MEIS3: variants seen among roughly 807,000 people sequenced by gnomAD.
MEIS3 encodes the protein Meis homeobox 3, also known as homeobox protein Meis3.
A neutral mutation model predicts 51.4 loss-of-function variants in MEIS3; 38 were observed. The observed-to-expected ratio is 0.74, with a 90% confidence interval of 0.57 to 0.97. The LOEUF (loss-of-function observed/expected upper bound fraction) is 0.97, where lower values mean the gene tolerates loss of function less well. Among genes scored for constraint, MEIS3 ranks in the 50% least tolerant of loss-of-function variants. The pLI is 0.00. For missense variants in MEIS3, 456 were observed against 502.6 expected (o/e 0.91, Z 0.89); for synonymous variants, 198 against 201.8 (o/e 0.98, Z 0.16).
At chr19:47,414,980 G>C (rs903728121) in intron 5 of MEIS3, 71 bp downstream of exon 5, 1 of 1,174,294 alleles carries the variant, frequency 8.5e-7, no homozygotes, top group African/African-American at 1.6e-5. Flanking sequence ...TGGAAGGTGG[G>C]GGGCAGAGGC....
In MEIS3 at chr19:47,417,308, C is replaced by T. The variant is rs149363452; in HGVS notation, c.55G>A (p.Ala19Thr). 1.2e-4 allele frequency: 189 copies of T among 1,613,630 alleles called. No individual in the cohort carries two copies. The African/African-American group carries it at 2.2e-3, about 18-fold the overall frequency. The part of the protein sequence containing the change: ...PHYPGIVDGP[A>T]ALASFPETVP... ...GTCTCTGGGAAGCTAGCCAGGGCTG[C>T]GGGGCCATCCACGATGCCTGGGTAG... Residue 19 changes from alanine (A) to threonine (T), a missense_variant, in exon 2 of 13, where the codon GCA becomes ACA. By Grantham distance (58) the Ala-to-Thr change is moderately conservative. Transcript: ENST00000558555.
chr19:47,412,044 G>T (rs1384861818), intron 6 of MEIS3, among the ~76,000 whole-genome samples: 1 of 151,818 alleles, frequency 6.6e-6, no homozygotes, highest in Non-Finnish European at 1.5e-5. Context: ...AGTTTGTCCA[G>T]ACTGCTCTCG....
chr19:47,417,495 C>G lies in MEIS3; in HGVS notation c.13-145G>C, dbSNP rs1200694121. 8.6e-6 allele frequency: 9 copies of G among 1,047,530 alleles called. No homozygotes were observed. The East Asian group carries it at 1.8e-4, about 21-fold the overall frequency. 64.9% of individuals were successfully genotyped at this position (1,047,530 alleles called of 1,614,324 possible). A position where few individuals can be genotyped will look rare whatever the true frequency, so the allele number is the denominator to read the frequency against. On this transcript the variant is annotated intron_variant, in intron 1 of 12. Transcript: ENST00000558555. Reference sequence around the variant, plus strand: ...GCCTGTGGTCCCCAGGTGTCTGAGCCCCCAAGCTTGAAGCCCTCCAGGTCC... The same window carrying G: ...GCCTGTGGTCCCCAGGTGTCTGAGCGCCCAAGCTTGAAGCCCTCCAGGTCC...
At chr19:47,407,634 G>T in intron 8 of MEIS3, 1 of 1,311,340 alleles carries the variant, frequency 7.6e-7, no homozygotes, top group Non-Finnish European at 1.0e-6. Context: ...GCCAGCCCCC[G>T]CCTGTTCCAG....
chr19:47,405,687 C>A (rs2122461029), intron 12 of MEIS3, among the ~76,000 whole-genome samples: 1 of 151,620 alleles, frequency 6.6e-6, no homozygotes, highest in Middle Eastern at 3.4e-3. Flanking sequence ...GTAGCTGGGA[C>A]TATGGGTACA....
chr19:47,408,982 G>C, intron 8 of MEIS3, 117 bp downstream of exon 8: 1 of 1,267,286 alleles, frequency 7.9e-7, no homozygotes, highest in Non-Finnish European at 1.1e-6. Flanking sequence ...TGAGAGTCTC[G>C]AAAAATTTCC....
At chr19:47,420,612 G>A (rs1037304144), upstream of MEIS3, among the ~76,000 whole-genome samples, 10 of 145,490 alleles carry the variant, frequency 6.9e-5, no homozygotes, top group African/African-American at 2.2e-4. Context: ...GGGAGGGAGT[G>A]GGGGACAGGA....
chr19:47,410,343 G>T (rs1971067102), intron 6 of MEIS3, among the ~76,000 whole-genome samples: 1 of 151,962 alleles, frequency 6.6e-6, no homozygotes, highest in African/African-American at 2.4e-5. Flanking sequence ...AGCTACTCGG[G>T]AGGCTGAGGC....
chr19:47,417,797 A>C (rs1218552533), intron 1 of MEIS3: 1 of 631,354 alleles, frequency 1.6e-6, no homozygotes, highest in Non-Finnish European at 2.9e-6. Flanking sequence ...AGATAAGCGC[A>C]TCAGAGTAAG....
chr19:47,419,782 T>C (rs1428957305), upstream of MEIS3, among the ~76,000 whole-genome samples: 1 of 151,750 alleles, frequency 6.6e-6, no homozygotes, highest in Admixed American at 6.6e-5. Context: ...CCAGTCTCTC[T>C]CTCCTTGTCT....
At chr19:47,417,601 A>G in intron 1 of MEIS3, 1 of 703,342 alleles carries the variant, frequency 1.4e-6, no homozygotes, top group East Asian at 2.7e-5. Context: ...CCAGAGGGAG[A>G]GACGGCAGGG....
chr19:47,404,011 G>A (rs1970707617), intron 12 of MEIS3, among the ~76,000 whole-genome samples: 1 of 152,042 alleles, frequency 6.6e-6, no homozygotes, highest in South Asian at 2.1e-4. Context: ...AGACCAGCCT[G>A]GGGAACAAAG....
At chr19:47,413,696 G>A (rs1332156532) in intron 6 of MEIS3, among the ~76,000 whole-genome samples, 1 of 151,876 alleles carries the variant, frequency 6.6e-6, no homozygotes, top group Admixed American at 6.6e-5. Context: ...CTGAGATGGT[G>A]CCACCTTACT....
Position 47,414,725 on chromosome 19 carries a change from G to A in MEIS3, c.589C>T (p.Pro197Ser), listed in dbSNP as rs1480421254. The change falls in exon 6 of 13, where the codon CCA becomes TCA. Residue 197 changes from proline (P) to serine (S), a missense_variant. Physicochemically the swap from Pro to Ser is moderately conservative, Grantham distance 74. Coordinates refer to ENST00000558555, the MANE Select transcript of MEIS3 (RefSeq NM_001301059.2). ...EDYPASCPSL[P>S]DQNNMWIRDH... is the part of the protein sequence containing the mutation. ...GCCCGTCCCGGGCCCACCTGGTCTG[G>A]GAGGCTGGGGCAGGAGGCTGGGTAG... 6.2e-7 allele frequency: 1 copy of A among 1,601,506 alleles called. No individual in the cohort carries two copies. The highest frequency in any genetic ancestry group is 8.5e-7 in the Non-Finnish European group (1 of 1,174,842).
At position 47,418,855 on chromosome 19, in the gene MEIS3, G is replaced by A. The variant is rs190082899; in HGVS notation, c.12+215C>T. On this transcript the variant is annotated intron_variant, in intron 1 of 12. Coordinates refer to ENST00000558555, the MANE Select transcript of MEIS3 (RefSeq NM_001301059.2). ...GGGAGAAGGAGAAGCTAAACGATGG[G>A]GAGGAGGCGAGGCCGAGGGCCAGGA... is the stretch of plus-strand genomic sequence containing the variant. 2.8e-5 allele frequency: 11 copies of A among 395,422 alleles called. No individual in the cohort carries two copies. The East Asian group carries it at 3.9e-4, about 14-fold the overall frequency. 24.5% of individuals were successfully genotyped at this position (395,422 alleles called of 1,614,324 possible).
chr19:47,418,723 G>C, intron 1 of MEIS3: 1 of 209,616 alleles, frequency 4.8e-6, no homozygotes, highest in Non-Finnish European at 9.3e-6. Flanking sequence ...GGCAGAGAGA[G>C]GGGGATAGAG....
At chr19:47,413,773 G>A (rs1971254234) in intron 6 of MEIS3, among the ~76,000 whole-genome samples, 1 of 151,122 alleles carries the variant, frequency 6.6e-6, no homozygotes, top group African/African-American at 2.4e-5. Context: ...TGTCGCCCAG[G>A]CTGGAGTGCA....
At position 47,403,531 on chromosome 19, in the gene MEIS3, G is replaced by A. The variant is rs1057075211; in HGVS notation, c.*40C>T. The A allele has an allele frequency of 2.9e-5, 13 of 452,926 alleles. No homozygotes were observed. Among genetic ancestry groups the A allele is most frequent in the Admixed American group, 7.1e-5 (3 of 42,064 alleles). 28.1% of individuals were successfully genotyped at this position (452,926 alleles called of 1,614,324 possible). A position where few individuals can be genotyped will look rare whatever the true frequency, so the allele number is the denominator to read the frequency against. On this transcript the variant is annotated 3_prime_UTR_variant, in exon 13 of 13. Coordinates refer to ENST00000558555, the MANE Select transcript of MEIS3 (RefSeq NM_001301059.2). ...GGAACCAGAGGCAGGTGTGAGGCTGGGGGTCACAGCCGGAGGCTGGGTCTG... is the reference window on the plus strand; with the variant it reads ...GGAACCAGAGGCAGGTGTGAGGCTGAGGGTCACAGCCGGAGGCTGGGTCTG...
At chr19:47,411,566 A>C (rs1014320345) in intron 6 of MEIS3, among the ~76,000 whole-genome samples, 9 of 140,464 alleles carry the variant, frequency 6.4e-5, no homozygotes, top group Non-Finnish European at 1.1e-4. Flanking sequence ...TTTGAGACGG[A>C]GTCTCGCCCT....
Sources: allele counts gnomAD v4.1 joint callset (sites outside exome capture counted in the v4.1 genomes callset), GRCh38; gene constraint gnomAD v4.1.1; transcripts MANE v1.5; gene names NCBI Gene and HGNC (gene_info 2026-07-23, HGNC 2026-07-21).